The following ATF1 variants were observed in gnomAD, a reference collection of about 807,000 sequenced individuals.
ATF1 encodes the protein activating transcription factor 1, also known as cyclic AMP-dependent transcription factor ATF-1.
A neutral mutation model predicts 34.7 loss-of-function variants in ATF1; 16 were observed. That is an observed-to-expected ratio of 0.46 (90% confidence interval 0.31 to 0.70). ATF1 has a LOEUF of 0.70. Among genes scored for constraint, ATF1 ranks in the 30% least tolerant of loss-of-function variants. The probability of loss-of-function intolerance (pLI) is 0.05; values close to 1 mark genes in which losing one functional copy is unlikely to be tolerated. For synonymous variants in ATF1, 105 were observed against 113.1 expected, an observed-to-expected ratio of 0.93 and a Z score of 0.46; for missense variants, 255 against 321.6, an observed-to-expected ratio of 0.79 and a Z score of 1.58.
Position 50,780,340 on chromosome 12 carries a change from TGTTTTTTGG to T in ATF1, c.93+110_93+118del, listed in dbSNP as rs1011919821. 5.9e-6 allele frequency: 7 copies of T among 1,192,970 alleles called. No homozygotes were observed. The African/African-American group carries it at 9.4e-5, about 16-fold the overall frequency. The allele number at this position is 1,192,970 out of a possible 1,614,324, so 73.9% of individuals were successfully genotyped here. A position where few individuals can be genotyped will look rare whatever the true frequency, so the allele number is the denominator to read the frequency against. The stretch of plus-strand genomic sequence containing the variant: ...TATTAATGTGTTTTATTTTGGTTTT[TGTTTTTTGG>T]GTTTTTTTTTTCGAGGCAGATTTTT... On this transcript the variant is annotated intron_variant, in intron 2 of 6. Transcript: ENST00000262053.
At chr12:50,792,236 C>A (rs758207553) in intron 2 of ATF1, among the ~76,000 whole-genome samples, 9 of 152,178 alleles carry the variant, frequency 5.9e-5, no homozygotes, top group Non-Finnish European at 8.8e-5. Context: ...TTTGTACTCT[C>A]AATCCCTAGT....
chr12:50,801,753 A>T (rs1941515847), intron 3 of ATF1, among the ~76,000 whole-genome samples: 1 of 152,226 alleles, frequency 6.6e-6, no homozygotes, highest in Non-Finnish European at 1.5e-5. Context: ...AAAGCATTTG[A>T]CAAAAATCCA....
At chr12:50,766,434 G>A (rs894115690) in intron 1 of ATF1, among the ~76,000 whole-genome samples, 1 of 152,126 alleles carries the variant, frequency 6.6e-6, no homozygotes, top group African/African-American at 2.4e-5. Flanking sequence ...GCTCTTTGCT[G>A]ATGGCTGTGG....
chr12:50,809,784 A>G (rs572963950), intron 4 of ATF1, among the ~76,000 whole-genome samples, 195 bp downstream of exon 4: 16 of 152,340 alleles, frequency 1.1e-4, no homozygotes, highest in African/African-American at 3.6e-4. Context: ...GCAATTATCA[A>G]TGTATGAGGG....
rs1941924348 is a variant in ATF1, at chr12:50,820,262, T to TATG, written c.*484_*486dup. On this transcript the variant is annotated 3_prime_UTR_variant, in exon 7 of 7. Coordinates refer to ENST00000262053, the MANE Select transcript of ATF1 (RefSeq NM_005171.5). ...AGTACATTACTAAATATATAAAGTA[T>TATG]ATGTTCTGATTATGTATACTTGTTC... The TATG allele has an allele frequency of 5.2e-6, 1 of 194,036 alleles. No individual in the cohort carries two copies. Among genetic ancestry groups the TATG allele is most frequent in the Admixed American group, 6.1e-5 (1 of 16,428 alleles). The allele number at this position is 194,036 out of a possible 1,614,324, so 12.0% of individuals were successfully genotyped here. A position where few individuals can be genotyped will look rare whatever the true frequency, so the allele number is the denominator to read the frequency against.
intron 2 of ATF1, among the ~76,000 whole-genome samples, chr12:50,783,022 A>G (rs1236550046): frequency 6.6e-6 from 1 of 152,040 alleles, no homozygotes; most frequent in Non-Finnish European, 1.5e-5. Flanking sequence ...GCCAGATATT[A>G]AGGAAATTTG....
At chr12:50,778,516 C>A (rs959688936) in intron 1 of ATF1, among the ~76,000 whole-genome samples, 2 of 152,142 alleles carry the variant, frequency 1.3e-5, no homozygotes, top group African/African-American at 4.8e-5. Flanking sequence ...AGCCACCGCG[C>A]CTGGCCATAT....
intron 3 of ATF1, among the ~76,000 whole-genome samples, chr12:50,804,810 CTT>C (rs57912155): frequency 9.8e-5 from 14 of 142,790 alleles, no homozygotes; most frequent in Non-Finnish European, 7.7e-5. Context: ...CCAACAAGAT[CTT>C]TTTTTTTTTT....
At chr12:50,818,006 T>G (rs1207191694) in intron 6 of ATF1, among the ~76,000 whole-genome samples, 2 of 152,192 alleles carry the variant, frequency 1.3e-5, no homozygotes, top group Non-Finnish European at 2.9e-5. Flanking sequence ...TTTCCCTTTT[T>G]TCTTTCTGGT....
intron 2 of ATF1, among the ~76,000 whole-genome samples, chr12:50,790,197 A>ATTTTTT (rs71086483): frequency 8.4e-6 from 1 of 119,410 alleles, no homozygotes; most frequent in Non-Finnish European, 1.7e-5. Context: ...TGTGGGTTCT[A>ATTTTTT]TTTTTTTTTT....
chr12:50,778,986 A>G (rs1940995197), intron 1 of ATF1, among the ~76,000 whole-genome samples: 3 of 152,176 alleles, frequency 2.0e-5, no homozygotes, highest in African/African-American at 7.2e-5. Flanking sequence ...TTGCTACTCT[A>G]GATACGTCAA....
At chr12:50,813,740 G>A (rs985404867) in intron 4 of ATF1, among the ~76,000 whole-genome samples, 3 of 152,080 alleles carry the variant, frequency 2.0e-5, no homozygotes, top group Non-Finnish European at 2.9e-5. Context: ...CTTGAACCCA[G>A]GAGGCAGAGG....
intron 4 of ATF1, among the ~76,000 whole-genome samples, chr12:50,812,110 A>C (rs1347109212): frequency 1.3e-5 from 2 of 152,210 alleles, no homozygotes; most frequent in African/African-American, 4.8e-5. Flanking sequence ...CTAATACCCT[A>C]TCAGACAGCT....
At chr12:50,793,778 A>G (rs992700857) in intron 2 of ATF1, among the ~76,000 whole-genome samples, 1 of 152,120 alleles carries the variant, frequency 6.6e-6, no homozygotes, top group Non-Finnish European at 1.5e-5. Flanking sequence ...AATATAAATG[A>G]GTAGTTATAT....
chr12:50,773,853 G>A (rs567373986), intron 1 of ATF1, among the ~76,000 whole-genome samples: 210 of 152,098 alleles, frequency 1.4e-3, no homozygotes, highest in African/African-American at 4.9e-3. Flanking sequence ...ATCTCCCAAA[G>A]CGCTAGGATT....
At chr12:50,783,393 A>AT (rs1321947438) in intron 2 of ATF1, among the ~76,000 whole-genome samples, 1 of 152,062 alleles carries the variant, frequency 6.6e-6, no homozygotes, top group Non-Finnish European at 1.5e-5. Flanking sequence ...TCTTTCTTTG[A>AT]TTATTTTTCT....
intron 2 of ATF1, among the ~76,000 whole-genome samples, chr12:50,790,197 ATTTTTTT>A (rs71086483): frequency 5.9e-5 from 7 of 119,388 alleles, no homozygotes; most frequent in South Asian, 2.7e-4. Flanking sequence ...TGTGGGTTCT[ATTTTTTT>A]TTTTTTTTTT....
chr12:50,764,030 G>C (rs943226398), upstream of ATF1: 71 of 152,298 alleles, frequency 4.7e-4, no homozygotes, highest in African/African-American at 1.6e-3. Flanking sequence ...ACGCACACTA[G>C]TGCTCAGTTT....
At position 50,814,275 on chromosome 12, in the gene ATF1, TC is replaced by T; in HGVS notation, c.512-4del. Reference sequence around the variant, plus strand: ...CTAACTCATTCACTCTTGTTTACCATCTAGCTGCATCAGGAGATATGCAAAC... The same window carrying T: ...CTAACTCATTCACTCTTGTTTACCATTAGCTGCATCAGGAGATATGCAAAC... On this transcript the variant is annotated splice_polypyrimidine_tract_variant and splice_region_variant and intron_variant, in intron 5 of 6. Coordinates refer to ENST00000262053, the MANE Select transcript of ATF1 (RefSeq NM_005171.5). 1 of 1,614,134 alleles carries T rather than the reference TC, an allele frequency of 6.2e-7. No individual in the cohort carries two copies. Among genetic ancestry groups the T allele is most frequent in the Non-Finnish European group, 8.5e-7 (1 of 1,179,990 alleles).
Sources: allele counts gnomAD v4.1 joint callset (sites outside exome capture counted in the v4.1 genomes callset), GRCh38; gene constraint gnomAD v4.1.1; transcripts MANE v1.5; gene names NCBI Gene and HGNC (gene_info 2026-07-23, HGNC 2026-07-21).